The following UMOD variants were observed in gnomAD, a reference collection of about 807,000 sequenced individuals.
The protein encoded by UMOD is Tamm-Horsfall urinary glycoprotein.
In UMOD, 64 loss-of-function variants were observed where a neutral mutation model predicts 66.0. The observed-to-expected ratio is 0.97, with a 90% CI of 0.79 to 1.19. The LOEUF (loss-of-function observed/expected upper bound fraction) is 1.19. Ranked by LOEUF, UMOD falls within the 50% of genes most tolerant of loss-of-function variation. The pLI is 0.00. For missense variants in UMOD, 764 were observed against 850.9 expected (o/e 0.90, Z 1.27); for synonymous variants, 398 against 352.7 (o/e 1.13, Z -1.44).
At chr16:20,354,489 AT>A (rs1404867119), upstream of UMOD, among the ~76,000 whole-genome samples, 2 of 152,092 alleles carry the variant, frequency 1.3e-5, no homozygotes, top group Non-Finnish European at 2.9e-5. Context: ...CATTTTTGCA[AT>A]TCTTTGATGA....
intron 8 of UMOD, 118 bp downstream of exon 8, chr16:20,337,173 T>C: frequency 2.2e-6 from 3 of 1,379,660 alleles, no homozygotes; most frequent in Non-Finnish European, 1.0e-6. Flanking sequence ...CCTCATCTTA[T>C]TGCTCATTCT....
At chr16:20,346,103 G>C (rs1253037941) in intron 5 of UMOD, 23 bp downstream of exon 5, 2 of 1,609,184 alleles carry the variant, frequency 1.2e-6, no homozygotes, top group Admixed American at 3.3e-5. Flanking sequence ...CTCTGGTTCT[G>C]TCCCCCACTG....
intron 5 of UMOD, among the ~76,000 whole-genome samples, chr16:20,345,406 TTC>T (rs1965496012): frequency 9.0e-6 from 1 of 110,944 alleles, no homozygotes. Context: ...TTTTTTTTCT[TTC>T]TTTCTTTCTT....
chr16:20,335,926 C>T lies in UMOD; in HGVS notation c.1823-406G>A, dbSNP rs546267023. ...CCCCATCTTGGTTCTAACTTTTAAG[C>T]TGTGCTTGTTCCTTCCTGGGTGTAG... On this transcript the variant is annotated intron_variant, in intron 9 of 10. Coordinates refer to ENST00000396138, the MANE Select transcript of UMOD (RefSeq NM_003361.4). Among the ~76,000 whole-genome samples the T allele has an allele frequency of 4.6e-5, 7 of 152,330 alleles. No individual in the cohort carries two copies. In the South Asian group the frequency reaches 6.2e-4, roughly 14 times the overall value.
At chr16:20,351,264 G>A (rs532240840) in intron 1 of UMOD, 2 of 202,500 alleles carry the variant, frequency 9.9e-6, no homozygotes, top group African/African-American at 4.6e-5. Context: ...AGTCACCATG[G>A]AGAACAATGA....
chr16:20,343,065 G>A lies in UMOD; in HGVS notation c.1331+959C>T, dbSNP rs558137473. Among the ~76,000 whole-genome samples, 8 of 152,182 alleles carry A rather than the reference G, an allele frequency of 5.3e-5. No homozygotes were observed. The East Asian group carries it at 1.5e-3, about 29-fold the overall frequency. On this transcript the variant is annotated intron_variant, in intron 6 of 10. Transcript: ENST00000396138. ...GAATCACTGGAACCTGGGAGGCGGA[G>A]GTTGAAGTGAGCCAAGATCATGCCA...
Position 20,350,817 on chromosome 16 carries a change from C to A in UMOD, c.-80G>T. On this transcript the variant is annotated 5_prime_UTR_variant, in exon 2 of 11. Transcript: ENST00000396138. ...ACGGGTTGGCCCTTTGAATTTTTCT[C>A]TCTGTCTCTGATGTCTGGTGTCCTG... 6.3e-7 allele frequency: 1 copy of A among 1,592,468 alleles called. No individual in the cohort carries two copies. The highest frequency in any genetic ancestry group is 1.1e-5 in the South Asian group (1 of 88,224).
At position 20,335,368 on chromosome 16, in the gene UMOD, G is replaced by C; in HGVS notation, c.1861+114C>G. On this transcript the variant is annotated intron_variant, in intron 10 of 10. Coordinates refer to ENST00000396138, the MANE Select transcript of UMOD (RefSeq NM_003361.4). ...GAGCCACTCTCCTTATTTAGAAAAC[G>C]GAACTAGTAACACCTCCCTTATAGA... 1.9e-6 allele frequency: 2 copies of C among 1,075,956 alleles called. 1 individual carries two copies. The highest frequency in any genetic ancestry group is 2.8e-6 in the Non-Finnish European group (2 of 711,998). The allele number at this position is 1,075,956 out of a possible 1,614,324, so 66.7% of individuals were successfully genotyped here.
chr16:20,334,735 G>A (rs116594609), intron 10 of UMOD, among the ~76,000 whole-genome samples: 94 of 152,222 alleles, frequency 6.2e-4, no homozygotes, highest in African/African-American at 2.1e-3. Context: ...AGTTAGAGGA[G>A]CAAAGAAGCA....
Position 20,349,069 on chromosome 16 carries a change from A to G in UMOD, c.232T>C (p.Ser78Pro), listed in dbSNP as rs1596563120. The G allele has an allele frequency of 1.9e-6, 3 of 1,610,730 alleles. No homozygotes were observed. The highest frequency in any genetic ancestry group is 2.5e-6 in the Non-Finnish European group (3 of 1,178,570). ...GTGTTTACGCAGCTGCTGTTGGCGG[A>G]GCAGTTGTGAGCTCCAGGAATGGCG... ...ECAIPGAHNC[S>P]ANSSCVNTPG... Residue 78 changes from serine (S) to proline (P), a missense_variant, in exon 3 of 11, where the codon TCC becomes CCC. Physicochemically the swap from Ser to Pro is moderately conservative, Grantham distance 74. Transcript: ENST00000396138.
At chr16:20,346,757 G>A (rs115612278) in intron 4 of UMOD, among the ~76,000 whole-genome samples, 1,711 of 152,204 alleles carry the variant, frequency 0.011, 33 homozygotes, top group African/African-American at 0.039. Flanking sequence ...ATGAGAATAC[G>A]CATCTCCCAC....
In UMOD at chr16:20,350,695, C is replaced by A. The variant is rs1965847259; in HGVS notation, c.43G>T (p.Ala15Ser). 3.1e-6 allele frequency: 5 copies of A among 1,613,854 alleles called. No homozygotes were observed. The highest frequency in any genetic ancestry group is 3.4e-6 in the Non-Finnish European group (4 of 1,180,014). Residue 15 changes from alanine to serine, a missense_variant, in exon 2 of 11, where the codon GCC becomes TCC. By Grantham distance (99) the Ala-to-Ser change is moderately conservative. Transcript: ENST00000396138. ...GCTGCAGTTGTGATGAACCAAGAGGCCACCACCACCATCAGCATCCAAGTC... is the reference window on the plus strand; with the variant it reads ...GCTGCAGTTGTGATGAACCAAGAGGACACCACCACCATCAGCATCCAAGTC... ...SLTWMLMVVV[A>S]SWFITTAATD...
At position 20,350,794 on chromosome 16, in the gene UMOD, G is replaced by C; in HGVS notation, c.-57C>G. Reference sequence around the variant, plus strand: ...GATAGCACCTGCCCAAAGGAAAGACGGGTTGGCCCTTTGAATTTTTCTCTC... The same window carrying C: ...GATAGCACCTGCCCAAAGGAAAGACCGGTTGGCCCTTTGAATTTTTCTCTC... On this transcript the variant is annotated 5_prime_UTR_variant, in exon 2 of 11. Transcript: ENST00000396138. 2 of 1,610,908 alleles carry C rather than the reference G, an allele frequency of 1.2e-6. No individual in the cohort carries two copies. The highest frequency in any genetic ancestry group is 1.7e-6 in the Non-Finnish European group (2 of 1,178,620).
chr16:20,352,799 T>C, upstream of UMOD: 2 of 1,155,432 alleles, frequency 1.7e-6, no homozygotes, highest in Non-Finnish European at 1.1e-6. Flanking sequence ...GTTCTGTTTT[T>C]TGATATTGTT....
In UMOD at chr16:20,335,527, A is replaced by G. The variant is rs1247759481; in HGVS notation, c.1823-7T>C. 11 of 1,613,956 alleles carry G rather than the reference A, an allele frequency of 6.8e-6. No homozygotes were observed. The highest frequency in any genetic ancestry group is 9.3e-6 in the Non-Finnish European group (11 of 1,179,922). On this transcript the variant is annotated splice_region_variant and splice_polypyrimidine_tract_variant and intron_variant, in intron 9 of 10. Coordinates refer to ENST00000396138, the MANE Select transcript of UMOD (RefSeq NM_003361.4). ...GAGACTGTGGCCTGGACACCTTTGGAGGAAAACAGAAGGATCAGTGAATAA... is the reference window on the plus strand; with the variant it reads ...GAGACTGTGGCCTGGACACCTTTGGGGGAAAACAGAAGGATCAGTGAATAA...
Position 20,341,071 on chromosome 16 carries a change from T to C in UMOD, c.1577+20A>G. ...TCTGAATTCTACCCATGAGTTCCCATGTAGGAACCTTTGCCTTACCTGTCC... is the reference window on the plus strand; with the variant it reads ...TCTGAATTCTACCCATGAGTTCCCACGTAGGAACCTTTGCCTTACCTGTCC... On this transcript the variant is annotated intron_variant, in intron 7 of 10. Transcript: ENST00000396138. The C allele has an allele frequency of 6.2e-7, 1 of 1,612,028 alleles. No individual in the cohort carries two copies.
intron 2 of UMOD, 80 bp from the exon 3 acceptor site, chr16:20,349,292 G>C (rs972942232): frequency 6.7e-7 from 1 of 1,490,112 alleles, no homozygotes; most frequent in Non-Finnish European, 9.1e-7. Flanking sequence ...CATTCTCCAG[G>C]GAACTCATTA....
intron 7 of UMOD, 99 bp downstream of exon 7, chr16:20,340,992 A>G: frequency 2.6e-5 from 4 of 152,224 alleles, no homozygotes; most frequent in Non-Finnish European, 5.1e-5. Flanking sequence ...AGACTCTGTC[A>G]AAAAAAAAAA....
intron 7 of UMOD, among the ~76,000 whole-genome samples, chr16:20,339,094 T>G (rs1965042595): frequency 6.6e-6 from 1 of 152,222 alleles, no homozygotes; most frequent in Admixed American, 6.5e-5. Context: ...AATCCCAGCA[T>G]AGCAGGTATT....
Sources: allele counts gnomAD v4.1 joint callset (sites outside exome capture counted in the v4.1 genomes callset), GRCh38; gene constraint gnomAD v4.1.1; transcripts MANE v1.5; gene names NCBI Gene and HGNC (gene_info 2026-07-23, HGNC 2026-07-21).